Variants in MACF1 observed in about 807,000 individuals in gnomAD.
MACF1 encodes microtubule actin crosslinking factor 1.
Under a neutral mutation model 854.8 loss-of-function variants are expected in MACF1, and 193 were observed. The ratio of observed to expected loss-of-function variants is 0.23; its 90% CI spans 0.20 to 0.25. The LOEUF (loss-of-function observed/expected upper bound fraction) is 0.25. MACF1 is among the 10% of genes least tolerant of loss of function. The probability of loss-of-function intolerance (pLI) is 1.00; values close to 1 mark genes in which losing one functional copy is unlikely to be tolerated. For missense variants in MACF1, 7,722 were observed against 8,929.1 expected, an observed-to-expected ratio of 0.86 and a Z score of 5.45; for synonymous variants, 3,185 against 3,226.7, an observed-to-expected ratio of 0.99 and a Z score of 0.44.
chr1:39,233,691 A>C (rs1644812342), intron 2 of MACF1, among the ~76,000 whole-genome samples: 2 of 148,652 alleles, frequency 1.3e-5, no homozygotes, highest in African/African-American at 5.0e-5. Flanking sequence ...GCAGTGATAG[A>C]GCCTTTTCTT....
intron 24 of MACF1, 72 bp downstream of exon 24, chr1:39,309,768 A>G (rs1246686153): frequency 1.8e-5 from 27 of 1,526,108 alleles, no homozygotes; most frequent in Admixed American, 3.9e-5. Flanking sequence ...TTTTTTCATT[A>G]CTGTGAGACT....
At chr1:39,291,614 G>A (rs1312625842) in intron 15 of MACF1, among the ~76,000 whole-genome samples, 1 of 152,206 alleles carries the variant, frequency 6.6e-6, no homozygotes, top group Admixed American at 6.5e-5. Flanking sequence ...GTAAAGTTAA[G>A]CATTTTAAGC....
intron 2 of MACF1, among the ~76,000 whole-genome samples, chr1:39,146,298 C>G (rs1228743437): frequency 6.6e-6 from 1 of 151,922 alleles, no homozygotes; most frequent in Non-Finnish European, 1.5e-5. Flanking sequence ...CAAAAACTAG[C>G]CAGGTATGGT....
intron 97 of MACF1, among the ~76,000 whole-genome samples, chr1:39,477,147 C>CATATAT (rs1644922909): frequency 3.6e-5 from 3 of 83,836 alleles, no homozygotes; most frequent in South Asian, 5.0e-4. Context: ...CACACACACA[C>CATATAT]ACACACAGAT....
At chr1:39,330,673 C>T (rs1447015627) in intron 36 of MACF1, among the ~76,000 whole-genome samples, 1 of 152,172 alleles carries the variant, frequency 6.6e-6, no homozygotes, top group Non-Finnish European at 1.5e-5. Flanking sequence ...ACCTATTAAA[C>T]ATTCTGCAGT....
Position 39,387,794 on chromosome 1 carries a change from G to A in MACF1, c.14952G>A (p.Lys4984=), listed in dbSNP as rs768088246. 4.3e-6 allele frequency: 7 copies of A among 1,614,166 alleles called. No individual in the cohort carries two copies. In the Admixed American group the frequency reaches 1.0e-4, roughly 23 times the overall value. ...EADEDGIRDE[K]AGINQNMDAV... ...ATGAGGATGGAATCCGGGATGAGAA[G>A]GCTGGGATCAACCAGAACATGGATG... The change falls in exon 58 of 101, where the codon AAG becomes AAA. Residue 4984 remains lysine, a synonymous_variant. Transcript: ENST00000564288.
In MACF1 at chr1:39,486,066, G is replaced by A. The variant is rs1333668225; in HGVS notation, c.*272G>A. On this transcript the variant is annotated 3_prime_UTR_variant, in exon 101 of 101. Coordinates refer to ENST00000564288, the MANE Select transcript of MACF1 (RefSeq NM_001394062.1). ...AGTGAAAAGGTCAAGATACAAATGT[G>A]TATTAAAAAAAAAAAAGCCTATTAA... The A allele has an allele frequency of 2.6e-5, 7 of 264,616 alleles. No individual in the cohort carries two copies. The highest frequency in any genetic ancestry group is 5.4e-5 in the Admixed American group (1 of 18,512). 16.4% of individuals were successfully genotyped at this position (264,616 alleles called of 1,614,324 possible).
chr1:39,281,368 T>G (rs768613572), intron 6 of MACF1, among the ~76,000 whole-genome samples: 13 of 152,220 alleles, frequency 8.5e-5, no homozygotes, highest in Admixed American at 2.6e-4. Flanking sequence ...ACTGTATACT[T>G]AAATGTATAT....
intron 5 of MACF1, 32 bp from the exon 6 acceptor site, chr1:39,257,904 A>G (rs1264698675): frequency 6.7e-7 from 1 of 1,496,578 alleles, no homozygotes; most frequent in African/African-American, 1.4e-5. Flanking sequence ...AAAGTCCTAG[A>G]GCTCTGAGCC....
chr1:39,465,624 G>T (rs1644652042), intron 95 of MACF1, among the ~76,000 whole-genome samples: 1 of 152,172 alleles, frequency 6.6e-6, no homozygotes, highest in Admixed American at 6.5e-5. Flanking sequence ...GCTGATTATG[G>T]CCAGCCAGCC....
chr1:39,121,688 T>G (rs1642718119), intron 2 of MACF1, among the ~76,000 whole-genome samples: 1 of 152,188 alleles, frequency 6.6e-6, no homozygotes, highest in Non-Finnish European at 1.5e-5. Flanking sequence ...CCTCAGGTAG[T>G]CCGCTCGTCT....
At chr1:39,107,547 C>A (rs7555014) in intron 2 of MACF1, among the ~76,000 whole-genome samples, 8,847 of 152,156 alleles carry the variant, frequency 0.058, 379 homozygotes, top group Non-Finnish European at 0.09. Flanking sequence ...CCCACTGCAC[C>A]GTTCTCACTG....
rs186816293 is a variant in MACF1, at chr1:39,405,855, A to G, written c.15817-16519A>G. On this transcript the variant is annotated intron_variant, in intron 58 of 100. Transcript: ENST00000564288. ...CCTGTATTTCTCTTTTAAAAAGTTT[A>G]TACACAGCATGTGAAATGAACAGAT... is the stretch of plus-strand genomic sequence containing the variant. 1.3e-3 allele frequency among the ~76,000 whole-genome samples: 190 copies of G among 151,924 alleles called. 1 individual carries two copies. Among genetic ancestry groups the G allele is most frequent in the African/African-American group, 4.2e-3 (175 of 41,378 alleles).
At chr1:39,169,171 T>C (rs1406100841) in intron 2 of MACF1, among the ~76,000 whole-genome samples, 1 of 152,246 alleles carries the variant, frequency 6.6e-6, no homozygotes, top group African/African-American at 2.4e-5. Flanking sequence ...CAGTCACTTA[T>C]CACTTTGTAC....
rs773677937 is a variant in MACF1 at position 39,258,038 on chromosome 1, G to A, written c.528+10G>A. ...TATTTTGCATTTCCAGGTAGGGCAT[G>A]TGAAGTTTGGAATTCCTGTTGCTTT... On this transcript the variant is annotated intron_variant, in intron 6 of 100. Transcript: ENST00000564288. 3.7e-6 allele frequency: 6 copies of A among 1,611,232 alleles called. No individual in the cohort carries two copies. The highest frequency in any genetic ancestry group is 3.3e-5 in the South Asian group (3 of 91,018).
rs373843583 is a variant in MACF1 at position 39,150,256 on chromosome 1, C to T, written c.220+65818C>T. Reference sequence around the variant, plus strand: ...CTGGTCTCAAATTCCTGAGCTCAAGCGATTCGCCCACCTTGGCCTCCCACA... The same window carrying T: ...CTGGTCTCAAATTCCTGAGCTCAAGTGATTCGCCCACCTTGGCCTCCCACA... On this transcript the variant is annotated intron_variant, in intron 2 of 93. Transcript: ENST00000361689. 2.0e-4 allele frequency among the ~76,000 whole-genome samples: 30 copies of T among 152,188 alleles called. No individual in the cohort carries two copies. The East Asian group carries it at 2.7e-3, about 14-fold the overall frequency.
intron 89 of MACF1, among the ~76,000 whole-genome samples, chr1:39,455,782 T>C (rs1644424078): frequency 1.3e-5 from 2 of 152,188 alleles, no homozygotes; most frequent in Non-Finnish European, 2.9e-5. Flanking sequence ...AGGTGCACAT[T>C]AGACTAAACT....
chr1:39,127,439 C>T (rs1243741816), intron 2 of MACF1, among the ~76,000 whole-genome samples: 1 of 152,058 alleles, frequency 6.6e-6, no homozygotes, highest in Non-Finnish European at 1.5e-5. Context: ...TACATTAATC[C>T]ACTTAATTCT....
Position 39,441,273 on chromosome 1 carries a change from A to G in MACF1, c.18620A>G (p.Glu6207Gly), listed in dbSNP as rs1248439674. The G allele has an allele frequency of 1.2e-6, 2 of 1,614,214 alleles. No homozygotes were observed. Among genetic ancestry groups the G allele is most frequent in the Admixed American group, 1.7e-5 (1 of 60,032 alleles). The change falls in exon 74 of 101, where the codon GAA becomes GGA. Residue 6207 changes from glutamate to glycine, a missense_variant. By Grantham distance (98) the Glu-to-Gly change is moderately conservative (BLOSUM62 -2). This residue lies in a region of MACF1 where 2,807 missense variants were observed against 3,235.8 expected (regional missense o/e 0.87). Transcript: ENST00000564288. ...AACAAAACATGGAAAGAGAGGCTAG[A>G]AAAACTTGAGGATGCTATGCAAGCT... ...NLNKTWKERLEKLEDAMQAAV... is the reference protein window; with the variant it reads ...NLNKTWKERLGKLEDAMQAAV...
Sources: gnomAD v4.1 joint callset for allele counts (sites outside exome capture counted in the v4.1 genomes callset) on GRCh38, gnomAD v4.1.1 for gene constraint, gnomAD v4.1.1 regional missense constraint, MANE v1.5 for transcripts, NCBI Gene and HGNC (gene_info 2026-07-23, HGNC 2026-07-21) for gene names.